COL19A1: variants seen among roughly 807,000 people sequenced by gnomAD.
COL19A1 encodes collagen type XIX alpha 1 chain.
In COL19A1, 159 loss-of-function variants were observed where a neutral mutation model predicts 190.2. The ratio of observed to expected loss-of-function variants is 0.84; its 90% CI spans 0.73 to 0.95. The LOEUF is 0.95. Among genes scored for constraint, COL19A1 ranks in the 40% least tolerant of loss-of-function variants. The pLI, the probability that COL19A1 is intolerant of heterozygous loss-of-function variation, is 0.00. For missense variants in COL19A1, 1,418 were observed against 1,431.9 expected, an observed-to-expected ratio of 0.99 and a Z score of 0.16; for synonymous variants, 509 against 458.9, an observed-to-expected ratio of 1.11 and a Z score of -1.39.
chr6:70,111,111 T>G (rs546420815), intron 16 of COL19A1, among the ~76,000 whole-genome samples: 14 of 152,324 alleles, frequency 9.2e-5, no homozygotes, highest in Middle Eastern at 3.4e-3. Context: ...GATGATATAG[T>G]TTCCAAGAGG....
intron 15 of COL19A1, among the ~76,000 whole-genome samples, chr6:70,074,110 C>T (rs2150156207): frequency 6.6e-6 from 1 of 152,176 alleles, no homozygotes; most frequent in South Asian, 2.1e-4. Flanking sequence ...AAATTGTGCC[C>T]TCATAGTCTA....
At chr6:69,993,310 C>G (rs966115799) in intron 11 of COL19A1, among the ~76,000 whole-genome samples, 1 of 152,076 alleles carries the variant, frequency 6.6e-6, no homozygotes, top group Non-Finnish European at 1.5e-5. Context: ...ATAAAGCCTA[C>G]TTGATCATGG....
chr6:70,150,059 C>A lies in COL19A1; in HGVS notation c.2037+14C>A. The A allele has an allele frequency of 6.2e-7, 1 of 1,613,158 alleles. No individual in the cohort carries two copies. Among genetic ancestry groups the A allele is most frequent in the Non-Finnish European group, 8.5e-7 (1 of 1,179,556 alleles). Reference sequence around the variant, plus strand: ...CCAGGTGACCCGGTATGTAGACAAACCTTGTCTGATTTATGTATCTTAAAT... The same window carrying A: ...CCAGGTGACCCGGTATGTAGACAAAACTTGTCTGATTTATGTATCTTAAAT... On this transcript the variant is annotated intron_variant, in intron 30 of 50. Transcript: ENST00000620364.
intron 18 of COL19A1, among the ~76,000 whole-genome samples, chr6:70,135,913 G>A (rs183645154): frequency 6.6e-6 from 1 of 152,060 alleles, no homozygotes; most frequent in African/African-American, 2.4e-5. Flanking sequence ...CCACCCAGGG[G>A]GTGGAATTGT....
chr6:69,964,310 A>G (rs978620649), intron 11 of COL19A1, among the ~76,000 whole-genome samples: 16 of 152,168 alleles, frequency 1.1e-4, no homozygotes, highest in East Asian at 5.8e-4. Context: ...AATGATGACT[A>G]TTTTTAAGGT....
intron 5 of COL19A1, among the ~76,000 whole-genome samples, chr6:69,928,458 C>G (rs1378473323): frequency 6.6e-6 from 1 of 151,970 alleles, no homozygotes; most frequent in East Asian, 1.9e-4. Flanking sequence ...AAATATTTAT[C>G]CCATCAATAA....
chr6:70,145,532 G>A (rs942766021), intron 25 of COL19A1, among the ~76,000 whole-genome samples: 8 of 152,098 alleles, frequency 5.3e-5, no homozygotes, highest in Non-Finnish European at 1.0e-4. Context: ...ACTGATGGGG[G>A]AGAGTTGAAG....
At chr6:70,108,654 G>T (rs1784109255) in intron 16 of COL19A1, among the ~76,000 whole-genome samples, 1 of 152,042 alleles carries the variant, frequency 6.6e-6, no homozygotes, top group South Asian at 2.1e-4. Context: ...TCAACTTGAT[G>T]CTCTTTTGAG....
At chr6:70,204,596 A>G (rs188827103) in intron 49 of COL19A1, among the ~76,000 whole-genome samples, 68 of 152,354 alleles carry the variant, frequency 4.5e-4, no homozygotes, top group Admixed American at 1.3e-3. Context: ...ACCGAAATGC[A>G]TGCAGAATAA....
chr6:69,974,914 G>A (rs1273747742), intron 11 of COL19A1, among the ~76,000 whole-genome samples: 11 of 146,650 alleles, frequency 7.5e-5, no homozygotes, highest in African/African-American at 2.1e-4. Context: ...CCGAGTTCGC[G>A]CCATTTTCCT....
chr6:70,035,911 C>A lies in COL19A1; in HGVS notation c.1142C>A (p.Thr381Lys). The change falls in exon 14 of 51, where the codon ACA becomes AAA. Residue 381 changes from threonine to lysine, a missense_variant. Transcript: ENST00000620364. ...PPGPKGEKGDTGPPGPPALPG... is the reference protein window; with the variant it reads ...PPGPKGEKGDKGPPGPPALPG... ...TTCTTTAATCTATTTTAGGGAGATA[C>A]AGGACCCCCAGGACCACCAGCCTTA... 1 of 1,613,126 alleles carries A rather than the reference C, an allele frequency of 6.2e-7. No homozygotes were observed. Among genetic ancestry groups the A allele is most frequent in the African/African-American group, 1.3e-5 (1 of 74,986 alleles).
intron 16 of COL19A1, among the ~76,000 whole-genome samples, chr6:70,115,812 T>G (rs2150204801): frequency 1.4e-5 from 2 of 138,314 alleles, no homozygotes; most frequent in Middle Eastern, 7.2e-3. Flanking sequence ...TTTGTTTTGT[T>G]TTTTGGTGTT....
intron 16 of COL19A1, among the ~76,000 whole-genome samples, chr6:70,113,179 C>T (rs181385617): frequency 6.2e-4 from 95 of 152,284 alleles, no homozygotes; most frequent in African/African-American, 2.2e-3. Flanking sequence ...TCATGGATCA[C>T]AGCACTGCTC....
intron 14 of COL19A1, among the ~76,000 whole-genome samples, chr6:70,053,859 A>G (rs1196105395): frequency 1.3e-5 from 2 of 152,186 alleles, no homozygotes; most frequent in African/African-American, 4.8e-5. Flanking sequence ...AAAATTAGCC[A>G]TATTGTTAAT....
chr6:69,926,097 G>T (rs1440792185), intron 4 of COL19A1, among the ~76,000 whole-genome samples: 2 of 151,992 alleles, frequency 1.3e-5, no homozygotes, highest in Non-Finnish European at 2.9e-5. Context: ...CTGCATGATT[G>T]CCCTGGCCAG....
chr6:69,880,040 TAGGAAAAA>T (rs1263480453), intron 2 of COL19A1: 1 of 259,682 alleles, frequency 3.9e-6, no homozygotes. Flanking sequence ...TAATCTTAAT[TAGGAAAAA>T]GTGAAAAATC....
At chr6:70,104,866 G>A (rs1040518625) in intron 16 of COL19A1, among the ~76,000 whole-genome samples, 1 of 152,162 alleles carries the variant, frequency 6.6e-6, no homozygotes, top group Non-Finnish European at 1.5e-5. Context: ...TAGGAGAGAA[G>A]AGGATTACAC....
At chr6:69,939,509 T>C (rs912763346) in intron 9 of COL19A1, among the ~76,000 whole-genome samples, 8 of 152,128 alleles carry the variant, frequency 5.3e-5, no homozygotes, top group Admixed American at 2.0e-4. Context: ...CTGAAACCAG[T>C]AGGTCTGTTG....
chr6:70,199,011 A>G (rs762079201), intron 48 of COL19A1, among the ~76,000 whole-genome samples: 1 of 152,206 alleles, frequency 6.6e-6, no homozygotes, highest in Non-Finnish European at 1.5e-5. Flanking sequence ...CTCCATGTCA[A>G]CTGCCTTCCT....
Sources: gnomAD v4.1 joint callset for allele counts (sites outside exome capture counted in the v4.1 genomes callset) on GRCh38, gnomAD v4.1.1 for gene constraint, MANE v1.5 for transcripts, NCBI Gene and HGNC (gene_info 2026-07-23, HGNC 2026-07-21) for gene names.